Variants in ARNT2 observed in about 807,000 individuals in gnomAD.
ARNT2 encodes aryl hydrocarbon receptor nuclear translocator 2, also known as ARNT protein 2.
Under a neutral mutation model 91.7 loss-of-function variants are expected in ARNT2, and 36 were observed. The observed-to-expected ratio is 0.39, with a 90% CI of 0.30 to 0.52. ARNT2 has a LOEUF of 0.52. Ranked by LOEUF, ARNT2 falls within the 20% of genes least tolerant of loss-of-function variation. ARNT2 has a pLI of 0.72. For synonymous variants in ARNT2, 365 were observed against 347.1 expected (o/e 1.05, Z -0.57); for missense variants, 775 against 939.3 (o/e 0.83, Z 2.29).
intron 8 of ARNT2, among the ~76,000 whole-genome samples, chr15:80,543,537 G>A (rs574130542): frequency 2.0e-5 from 3 of 152,268 alleles, no homozygotes; most frequent in East Asian, 1.9e-4. Flanking sequence ...TTCTTCAAAT[G>A]TTTTTCCATG....
chr15:80,450,813 C>G, intron 1 of ARNT2, 67 bp from the exon 2 acceptor site: 3 of 1,525,692 alleles, frequency 2.0e-6, no homozygotes, highest in Non-Finnish European at 2.7e-6. Flanking sequence ...TACCGTATCA[C>G]AACTTTCTTG....
At chr15:80,491,577 T>G (rs1454024086) in intron 5 of ARNT2, among the ~76,000 whole-genome samples, 1 of 152,150 alleles carries the variant, frequency 6.6e-6, no homozygotes, top group Non-Finnish European at 1.5e-5. Flanking sequence ...AGAACCATTA[T>G]GCACTTGGAA....
intron 6 of ARNT2, among the ~76,000 whole-genome samples, chr15:80,513,656 G>T (rs1359564412): frequency 2.0e-5 from 3 of 148,484 alleles, no homozygotes; most frequent in Non-Finnish European, 4.4e-5. Context: ...CCAGCTCCTG[G>T]ACTGGGCCCT....
At chr15:80,449,896 T>C (rs963925535) in intron 1 of ARNT2, among the ~76,000 whole-genome samples, 1 of 152,186 alleles carries the variant, frequency 6.6e-6, no homozygotes, top group Non-Finnish European at 1.5e-5. Flanking sequence ...TATATTTTTG[T>C]AGATTGCTGC....
chr15:80,412,005 C>T (rs1366470939), intron 1 of ARNT2, among the ~76,000 whole-genome samples: 1 of 152,218 alleles, frequency 6.6e-6, no homozygotes, highest in Non-Finnish European at 1.5e-5. Context: ...AAGACAGACT[C>T]CAGGCTGGCT....
intron 3 of ARNT2, among the ~76,000 whole-genome samples, chr15:80,462,939 CT>C (rs1370242155): frequency 3.9e-5 from 6 of 152,158 alleles, no homozygotes; most frequent in Admixed American, 3.9e-4. Context: ...ATTTTCCCCC[CT>C]GGCTTTATAG....
chr15:80,470,086 G>A, intron 3 of ARNT2, 132 bp from the exon 4 acceptor site: 1 of 904,952 alleles, frequency 1.1e-6, no homozygotes, highest in Non-Finnish European at 1.7e-6. Context: ...GTCATTCAAA[G>A]CACTCAGCTG....
chr15:80,409,426 C>T (rs1035441947), intron 1 of ARNT2, among the ~76,000 whole-genome samples: 3 of 152,052 alleles, frequency 2.0e-5, no homozygotes, highest in African/African-American at 7.3e-5. Context: ...GTTTTGGTGC[C>T]GAAGAATATT....
At chr15:80,428,986 A>G (rs926720790) in intron 1 of ARNT2, among the ~76,000 whole-genome samples, 13 of 152,212 alleles carry the variant, frequency 8.5e-5, no homozygotes, top group African/African-American at 3.1e-4. Context: ...CTGTATTCCA[A>G]ATCCCCCTTT....
At chr15:80,501,381 C>A (rs928207747) in intron 5 of ARNT2, among the ~76,000 whole-genome samples, 1 of 152,144 alleles carries the variant, frequency 6.6e-6, no homozygotes, top group Non-Finnish European at 1.5e-5. Context: ...AAAGAACAGG[C>A]ATGCATAGAA....
At chr15:80,429,281 GC>G (rs1185729731) in intron 1 of ARNT2, among the ~76,000 whole-genome samples, 2 of 152,178 alleles carry the variant, frequency 1.3e-5, no homozygotes, top group Non-Finnish European at 2.9e-5. Flanking sequence ...GAAGCTTTCA[GC>G]CCCACCCCTG....
chr15:80,545,089 T>G (rs774996390), intron 8 of ARNT2, among the ~76,000 whole-genome samples: 1 of 152,198 alleles, frequency 6.6e-6, no homozygotes, highest in Non-Finnish European at 1.5e-5. Flanking sequence ...ACCCTGAAAC[T>G]CCATTGCCAT....
chr15:80,549,559 A>G (rs1898047598), intron 8 of ARNT2, among the ~76,000 whole-genome samples: 1 of 152,210 alleles, frequency 6.6e-6, no homozygotes, highest in Admixed American at 6.5e-5. Context: ...ACAATTCACT[A>G]AAAAACAAGA....
intron 1 of ARNT2, among the ~76,000 whole-genome samples, chr15:80,419,965 C>T (rs940037885): frequency 1.3e-5 from 2 of 152,080 alleles, no homozygotes; most frequent in Non-Finnish European, 2.9e-5. Flanking sequence ...TGGTGGGCTC[C>T]GTCTGAGTTG....
chr15:80,533,132 G>A (rs1243893388), intron 8 of ARNT2, among the ~76,000 whole-genome samples: 2 of 152,356 alleles, frequency 1.3e-5, no homozygotes, highest in South Asian at 2.1e-4. Flanking sequence ...GCCAGGGAGG[G>A]CCATGGGGGC....
intron 16 of ARNT2, 154 bp from the exon 17 acceptor site, chr15:80,581,085 G>A (rs1490564424): frequency 2.2e-6 from 2 of 894,632 alleles, no homozygotes; most frequent in South Asian, 3.5e-5. Flanking sequence ...ACACCGGGCT[G>A]ATCCCAGGCC....
intron 8 of ARNT2, among the ~76,000 whole-genome samples, chr15:80,534,442 A>C (rs866963069): frequency 8.5e-5 from 13 of 152,328 alleles, no homozygotes; most frequent in Middle Eastern, 6.8e-3. Flanking sequence ...CTTGCTTTTA[A>C]ATTTTTAAAA....
intron 13 of ARNT2, among the ~76,000 whole-genome samples, chr15:80,574,581 G>T (rs1898636330): frequency 6.6e-6 from 1 of 152,182 alleles, no homozygotes; most frequent in Admixed American, 6.5e-5. Context: ...CCCTGCCACT[G>T]CCTGTGTCCT....
intron 8 of ARNT2, among the ~76,000 whole-genome samples, chr15:80,546,565 G>A (rs1357046314): frequency 6.6e-6 from 1 of 152,252 alleles, no homozygotes; most frequent in Non-Finnish European, 1.5e-5. Flanking sequence ...AGACCTGTGA[G>A]ACTGAGGTAG....
Sources: allele counts gnomAD v4.1 joint callset (sites outside exome capture counted in the v4.1 genomes callset), GRCh38; gene constraint gnomAD v4.1.1; transcripts MANE v1.5; gene names NCBI Gene and HGNC (gene_info 2026-07-23, HGNC 2026-07-21).